Variants in ATP1A4 observed in about 807,000 individuals in gnomAD.
ATP1A4 encodes the protein sodium/potassium-transporting ATPase subunit alpha-4.
In ATP1A4, 90 loss-of-function variants were observed where a neutral mutation model predicts 114.3. The observed-to-expected ratio is 0.79, with a 90% CI of 0.66 to 0.94. The LOEUF is 0.94. Among genes scored for constraint, ATP1A4 ranks in the 40% least tolerant of loss-of-function variants. ATP1A4 has a pLI of 0.00. For missense variants in ATP1A4, 1,222 were observed against 1,313.6 expected, an observed-to-expected ratio of 0.93 and a Z score of 1.08; for synonymous variants, 511 against 494.1, an observed-to-expected ratio of 1.03 and a Z score of -0.45.
chr1:160,181,447 C>T (rs372798493), intron 18 of ATP1A4, among the ~76,000 whole-genome samples: 1 of 151,562 alleles, frequency 6.6e-6, no homozygotes, highest in South Asian at 2.1e-4. Flanking sequence ...CCCAGCTACT[C>T]GGGAGGCTGA....
chr1:160,183,266 G>A (rs1033368600), intron 20 of ATP1A4: 1 of 152,142 alleles, frequency 6.6e-6, no homozygotes, highest in Admixed American at 6.5e-5. Context: ...CGTAGAAATG[G>A]GCATAAAGCA....
intron 10 of ATP1A4, 196 bp from the exon 11 acceptor site, chr1:160,171,055 T>A (rs1234452297): frequency 3.9e-6 from 2 of 511,790 alleles, no homozygotes; most frequent in Non-Finnish European, 6.9e-6. Flanking sequence ...GTGCAAATAA[T>A]ACCAGGCTGC....
chr1:160,185,258 G>A (rs761342235), intron 20 of ATP1A4, among the ~76,000 whole-genome samples: 4 of 151,938 alleles, frequency 2.6e-5, no homozygotes, highest in African/African-American at 9.7e-5. Flanking sequence ...GATTACAGGC[G>A]CATGCCACCA....
At chr1:160,164,087 G>A in intron 6 of ATP1A4, 69 bp from the exon 7 acceptor site, 1 of 1,552,514 alleles carries the variant, frequency 6.4e-7, no homozygotes, top group Non-Finnish European at 8.7e-7. Context: ...GGAAGTGGGG[G>A]CAGAGACCAA....
chr1:160,170,584 T>C (rs1653211891), intron 10 of ATP1A4: 1 of 54,866 alleles, frequency 1.8e-5, no homozygotes, highest in African/African-American at 9.8e-5. Context: ...TTGGACTTTT[T>C]TTTTTTTTTT....
At chr1:160,157,062 C>T (rs948547304) in intron 4 of ATP1A4, among the ~76,000 whole-genome samples, 2 of 151,208 alleles carry the variant, frequency 1.3e-5, no homozygotes, top group African/African-American at 4.9e-5. Flanking sequence ...TGCACTCCAG[C>T]CTGGTGACAG....
chr1:160,172,890 G>A (rs1294150173), intron 12 of ATP1A4, among the ~76,000 whole-genome samples: 1 of 152,144 alleles, frequency 6.6e-6, no homozygotes, highest in African/African-American at 2.4e-5. Context: ...ATTTGTTGAT[G>A]GCTTACTATG....
intron 18 of ATP1A4, 109 bp downstream of exon 18, chr1:160,177,773 C>T (rs1653533821): frequency 2.4e-6 from 3 of 1,257,778 alleles, no homozygotes; most frequent in South Asian, 2.8e-5. Context: ...ACCACACAAA[C>T]AGAGCTGATG....
At chr1:160,177,182 T>C (rs1653498954) in intron 17 of ATP1A4, among the ~76,000 whole-genome samples, 1 of 152,036 alleles carries the variant, frequency 6.6e-6, no homozygotes, top group Non-Finnish European at 1.5e-5. Context: ...TTTCAGAAAA[T>C]AGGGTGAGTG....
chr1:160,159,313 T>C (rs1640833354), intron 5 of ATP1A4, 96 bp from the exon 6 acceptor site: 1 of 1,349,208 alleles, frequency 7.4e-7, no homozygotes, highest in South Asian at 1.4e-5. Context: ...CTGTCAGTGA[T>C]GATGTTGGTG....
intron 7 of ATP1A4, 52 bp from the exon 8 acceptor site, chr1:160,166,476 G>A: frequency 6.3e-7 from 1 of 1,597,966 alleles, no homozygotes; most frequent in Non-Finnish European, 8.6e-7. Flanking sequence ...ATGCAAAATG[G>A]TGTGAGTATT....
chr1:160,153,204 T>G lies in ATP1A4; in HGVS notation c.187T>G (p.Tyr63Asp). The change falls in exon 2 of 22, where the codon TAC (tyrosine) becomes GAC (aspartate). Residue 63 changes from tyrosine (Y) to aspartate (D), a missense_variant. Physicochemically the swap from Tyr to Asp is radical, Grantham distance 160. Coordinates refer to ENST00000368081, the MANE Select transcript of ATP1A4 (RefSeq NM_144699.4). Reference sequence around the variant, plus strand: ...AACCTTGGAAGAGCTGAGCACCAAGTACTCCGTGGACCTGACAAAGGTGAG... The same window carrying G: ...AACCTTGGAAGAGCTGAGCACCAAGGACTCCGTGGACCTGACAAAGGTGAG... ...KLTLEELSTK[Y>D]SVDLTKGHSH... 6.2e-7 allele frequency: 1 copy of G among 1,613,898 alleles called. No homozygotes were observed. Among genetic ancestry groups the G allele is most frequent in the Non-Finnish European group, 8.5e-7 (1 of 1,179,890 alleles).
chr1:160,182,955 G>A (rs892999316), intron 20 of ATP1A4: 7 of 152,262 alleles, frequency 4.6e-5, no homozygotes, highest in African/African-American at 1.2e-4. Context: ...TTACAGGCAT[G>A]AGCCACCACA....
intron 15 of ATP1A4, among the ~76,000 whole-genome samples, chr1:160,175,685 C>T (rs1205171830): frequency 2.6e-5 from 4 of 152,012 alleles, no homozygotes; most frequent in Admixed American, 2.6e-4. Context: ...GAATGAAGCT[C>T]ACGGAGGTGA....
Position 160,181,795 on chromosome 1 carries a change from C to G in ATP1A4, c.2848C>G (p.Leu950Val). The change falls in exon 19 of 22, where the codon CTT becomes GTT. Residue 950 changes from leucine (L) to valine (V), a missense_variant. Coordinates refer to ENST00000368081, the MANE Select transcript of ATP1A4 (RefSeq NM_144699.4). ...CATCTCCAAGACTCGCCGCAACTCA[C>G]TTTTCCAGCAGGGCATGAGGTGAAC... ...LIISKTRRNS[L>V]FQQGMRNKVL... 2 of 1,612,722 alleles carry G rather than the reference C, an allele frequency of 1.2e-6. No homozygotes were observed. The highest frequency in any genetic ancestry group is 1.7e-6 in the Non-Finnish European group (2 of 1,179,846).
intron 10 of ATP1A4, chr1:160,171,008 C>A: frequency 2.6e-6 from 1 of 389,616 alleles, no homozygotes; most frequent in Admixed American, 4.1e-5. Context: ...GTTCTGCCCC[C>A]AGGGAGCTTC....
chr1:160,155,459 T>C (rs1235290338), intron 3 of ATP1A4, among the ~76,000 whole-genome samples: 1 of 152,118 alleles, frequency 6.6e-6, no homozygotes, highest in Non-Finnish European at 1.5e-5. Context: ...TTGTAATGAA[T>C]GTAATTAATT....
chr1:160,178,549 C>T (rs548910834), intron 18 of ATP1A4, among the ~76,000 whole-genome samples: 1 of 152,098 alleles, frequency 6.6e-6, no homozygotes, highest in South Asian at 2.1e-4. Flanking sequence ...GTCGTGGGTG[C>T]CTGTAATCCC....
intron 13 of ATP1A4, 39 bp from the exon 14 acceptor site, chr1:160,174,072 A>G: frequency 6.2e-7 from 1 of 1,606,760 alleles, no homozygotes; most frequent in Non-Finnish European, 8.5e-7. Flanking sequence ...GTGAATTCTC[A>G]ACACTCAAAA....
Sources: allele counts gnomAD v4.1 joint callset (sites outside exome capture counted in the v4.1 genomes callset), GRCh38; gene constraint gnomAD v4.1.1; transcripts MANE v1.5; gene names NCBI Gene and HGNC (gene_info 2026-07-23, HGNC 2026-07-21).